The following PWP1 variants were observed in gnomAD, a reference collection of about 807,000 sequenced individuals.
PWP1 encodes the protein periodic tryptophan protein 1 homolog.
Under a neutral mutation model 69.9 loss-of-function variants are expected in PWP1, and 47 were observed. That is an observed-to-expected ratio of 0.67 (90% CI 0.53 to 0.86). The LOEUF (loss-of-function observed/expected upper bound fraction) is 0.86, where lower values mean the gene tolerates loss of function less well. Ranked by LOEUF, PWP1 falls within the 40% of genes least tolerant of loss-of-function variation. The pLI is 0.00. For missense variants in PWP1, 551 were observed against 608.8 expected, an observed-to-expected ratio of 0.91 and a Z score of 1.00; for synonymous variants, 222 against 208.2, an observed-to-expected ratio of 1.07 and a Z score of -0.57.
At chr12:107,686,206 C>G in intron 1 of PWP1, 1 of 582,786 alleles carries the variant, frequency 1.7e-6, no homozygotes, top group Middle Eastern at 4.6e-4. Flanking sequence ...CAAGCCCAAC[C>G]CCACTCCCAA....
chr12:107,706,382 G>A (rs151019878), intron 11 of PWP1, among the ~76,000 whole-genome samples: 10,364 of 152,172 alleles, frequency 0.068, 422 homozygotes, highest in African/African-American at 0.1. Context: ...TTGCTGTGCA[G>A]AAGCTCTTTA....
chr12:107,700,439 T>TA (rs1446636359), intron 8 of PWP1, among the ~76,000 whole-genome samples: 3 of 152,212 alleles, frequency 2.0e-5, no homozygotes, highest in African/African-American at 7.2e-5. Context: ...CATACAGACT[T>TA]ACTTCTTTGC....
chr12:107,705,803 T>C (rs1184050720), intron 11 of PWP1, among the ~76,000 whole-genome samples: 3 of 152,166 alleles, frequency 2.0e-5, no homozygotes, highest in African/African-American at 7.2e-5. Flanking sequence ...TTCCAAGTCT[T>C]TTCTATCGTG....
rs370694404 is a variant in PWP1, at chr12:107,696,550, G to A, written c.579G>A (p.Trp193Ter). The A allele has an allele frequency of 1.9e-6, 3 of 1,614,078 alleles. No homozygotes were observed. Among genetic ancestry groups the A allele is most frequent in the Non-Finnish European group, 2.5e-6 (3 of 1,179,986 alleles). The change falls in exon 6 of 15, where the codon TGG (tryptophan) becomes TGA (stop). Residue 193 changes from tryptophan to a stop codon, truncating the protein, a stop_gained. Coordinates refer to ENST00000412830, the MANE Select transcript of PWP1 (RefSeq NM_007062.3). LOFTEE classifies it high-confidence loss of function. The stretch of plus-strand genomic sequence containing the variant: ...CTGCATATCCTCTGAGTGTGGAATG[G>A]CTGAATTTTGATCCTAGCCCAGATG... Reference protein sequence around the residue: ...LLSAYPLSVEWLNFDPSPDDS... With the variant: ...LLSAYPLSVE
chr12:107,686,028 C>T (rs1276967330), intron 1 of PWP1, 57 bp downstream of exon 1: 2 of 1,578,936 alleles, frequency 1.3e-6, no homozygotes, highest in African/African-American at 2.7e-5. Flanking sequence ...ACTGGGGGTC[C>T]GCCCAGCTGG....
At chr12:107,709,343 G>C (rs967091035) in intron 13 of PWP1, 111 bp downstream of exon 13, 10 of 1,330,814 alleles carry the variant, frequency 7.5e-6, no homozygotes, top group Non-Finnish European at 9.3e-6. Context: ...TAACAAATAT[G>C]GATGTGTTGG....
Position 107,692,907 on chromosome 12 carries a change from T to C in PWP1, c.405+8T>C. On this transcript the variant is annotated splice_region_variant and intron_variant, in intron 4 of 14. Transcript: ENST00000412830. ...GTTACTCTGAAAGATACAGTAAGTA[T>C]TTACATCTTTTTTCTAATTATGCTC... 6.2e-7 allele frequency: 1 copy of C among 1,613,694 alleles called. No homozygotes were observed. Among genetic ancestry groups the C allele is most frequent in the East Asian group, 2.2e-5 (1 of 44,848 alleles).
At chr12:107,688,349 TG>T (rs1889414126) in intron 1 of PWP1, 98 bp from the exon 2 acceptor site, 4 of 953,452 alleles carry the variant, frequency 4.2e-6, no homozygotes, top group Middle Eastern at 6.8e-4. Flanking sequence ...TGACATTGCT[TG>T]GCGTTACATT....
At chr12:107,708,277 C>A (rs896053561) in intron 11 of PWP1, among the ~76,000 whole-genome samples, 3 of 152,166 alleles carry the variant, frequency 2.0e-5, no homozygotes, top group Non-Finnish European at 4.4e-5. Context: ...AAGAGCCAAG[C>A]CTTCTCTTCC....
At chr12:107,704,857 T>C in intron 11 of PWP1, 110 bp downstream of exon 11, 1 of 873,218 alleles carries the variant, frequency 1.1e-6, no homozygotes, top group Non-Finnish European at 1.8e-6. Flanking sequence ...CAGTATGAAG[T>C]ATTTGGGTTT....
At chr12:107,690,418 A>G (rs1889456286) in intron 3 of PWP1, among the ~76,000 whole-genome samples, 1 of 152,220 alleles carries the variant, frequency 6.6e-6, no homozygotes, top group South Asian at 2.1e-4. Context: ...ACTTAAAAAT[A>G]TCAGTATCTG....
At position 107,685,875 on chromosome 12, in the gene PWP1, G is replaced by A. The variant is rs1213934803; in HGVS notation, c.-25G>A. The stretch of plus-strand genomic sequence containing the variant: ...CTCCCTATGCAGCCTGGTTTCTAGC[G>A]TGACACGCCCTTGACTTGAGGACCA... On this transcript the variant is annotated 5_prime_UTR_variant, in exon 1 of 15. The change creates a new upstream start codon in the 5' untranslated region. Coordinates refer to ENST00000412830, the MANE Select transcript of PWP1 (RefSeq NM_007062.3). 8.1e-6 allele frequency: 13 copies of A among 1,613,176 alleles called. No homozygotes were observed. In the East Asian group the frequency reaches 2.0e-4, roughly 25 times the overall value.
At chr12:107,693,568 A>C (rs528474468) in intron 5 of PWP1, among the ~76,000 whole-genome samples, 65 of 152,246 alleles carry the variant, frequency 4.3e-4, no homozygotes, top group African/African-American at 1.6e-3. Flanking sequence ...AAGTAAAATT[A>C]TATATAAAAA....
intron 7 of PWP1, among the ~76,000 whole-genome samples, chr12:107,698,624 C>A (rs977905264): frequency 2.6e-5 from 4 of 152,112 alleles, no homozygotes; most frequent in Non-Finnish European, 5.9e-5. Context: ...TGCTCTGTCT[C>A]CCAAGACTGG....
intron 2 of PWP1, 28 bp downstream of exon 2, chr12:107,688,534 A>G (rs752564787): frequency 3.1e-5 from 50 of 1,611,812 alleles, no homozygotes; most frequent in Non-Finnish European, 2.5e-6. Context: ...TGAAATCTAT[A>G]TCTTAAATGA....
chr12:107,710,694 TTTCTGAATGAG>T (rs1260216392), intron 14 of PWP1, among the ~76,000 whole-genome samples, 184 bp downstream of exon 14: 2 of 152,160 alleles, frequency 1.3e-5, no homozygotes, highest in Non-Finnish European at 2.9e-5. Context: ...GCCTCTCCTC[TTTCTGAATGAG>T]TTCTGTAAGG....
rs1391316947 is a variant in PWP1 at position 107,688,712 on chromosome 12, G to A, written c.229G>A (p.Glu77Lys). Residue 77 changes from glutamate to lysine, a missense_variant, in exon 3 of 15, where the codon GAG becomes AAG. Physicochemically the swap from Glu to Lys is moderately conservative, Grantham distance 56 (BLOSUM62 1). Coordinates refer to ENST00000412830, the MANE Select transcript of PWP1 (RefSeq NM_007062.3). ...CCAGGCACGCCCAAGAGAGCCCCTGGAGGATGGTGACCCAGAGGATGACAG... is the reference window on the plus strand; with the variant it reads ...CCAGGCACGCCCAAGAGAGCCCCTGAAGGATGGTGACCCAGAGGATGACAG... ...RTQARPREPLEDGDPEDDRTL... is the reference protein window; with the variant it reads ...RTQARPREPLKDGDPEDDRTL... 1 of 1,614,234 alleles carries A rather than the reference G, an allele frequency of 6.2e-7. No individual in the cohort carries two copies. The highest frequency in any genetic ancestry group is 1.1e-5 in the South Asian group (1 of 91,082).
chr12:107,703,751 G>A lies in PWP1; in HGVS notation c.965+5G>A, dbSNP rs1889759940. Reference sequence around the variant, plus strand: ...GATTTCTGGCTCATATGATAAGTAAGAAAGCACAGCAAGAATGATTGCTAC... The same window carrying A: ...GATTTCTGGCTCATATGATAAGTAAAAAAGCACAGCAAGAATGATTGCTAC... On this transcript the variant is annotated splice_donor_5th_base_variant and intron_variant, in intron 10 of 14. Transcript: ENST00000412830. The A allele has an allele frequency of 6.3e-7, 1 of 1,586,894 alleles. No individual in the cohort carries two copies.
chr12:107,693,199 A>G, intron 5 of PWP1, 103 bp downstream of exon 5: 2 of 1,441,842 alleles, frequency 1.4e-6, no homozygotes, highest in South Asian at 3.1e-5. Context: ...ATTGTATCTC[A>G]TTTAAGTTGG....
Sources: allele counts gnomAD v4.1 joint callset (sites outside exome capture counted in the v4.1 genomes callset), GRCh38; gene constraint gnomAD v4.1.1; transcripts MANE v1.5; gene names NCBI Gene and HGNC (gene_info 2026-07-23, HGNC 2026-07-21).